Variants in RPS6KA6 observed in about 807,000 individuals in gnomAD.
RPS6KA6 encodes ribosomal protein S6 kinase alpha-6.
RPS6KA6 carries 27 observed loss-of-function variants against 65.4 expected under a neutral mutation model. That is an observed-to-expected ratio of 0.41 (90% confidence interval 0.30 to 0.57). RPS6KA6 has a LOEUF of 0.57. RPS6KA6 is among the 20% of genes least tolerant of loss of function. The probability of loss-of-function intolerance (pLI) is 0.24; values close to 1 mark genes in which losing one functional copy is unlikely to be tolerated. For synonymous variants in RPS6KA6, 190 were observed against 184.2 expected (o/e 1.03, Z -0.26); for missense variants, 486 against 555.6 (o/e 0.87, Z 1.26).
intron 8 of RPS6KA6, among the ~76,000 whole-genome samples, chrX:84,122,919 C>A (rs965210173): frequency 9.0e-5 from 10 of 111,486 alleles, no homozygotes; most frequent in Non-Finnish European, 1.9e-5. Context: ...GACAGCACAG[C>A]AACAAAAGTG....
Position 84,064,228 on chromosome X carries a change from C to T in RPS6KA6, c.*49G>A. 3.4e-6 allele frequency: 4 copies of T among 1,175,687 alleles called. No homozygotes were observed. The South Asian group carries it at 5.7e-5, about 17-fold the overall frequency. ...TTTGATAAGAATAGGAAAAAAGCCA[C>T]ACATTTAATTTCATCTTCATCCAGT... On this transcript the variant is annotated 3_prime_UTR_variant, in exon 22 of 22. Coordinates refer to ENST00000262752, the MANE Select transcript of RPS6KA6 (RefSeq NM_014496.5).
intron 12 of RPS6KA6, 75 bp from the exon 13 acceptor site, chrX:84,107,800 A>G: frequency 3.9e-6 from 2 of 515,101 alleles, no homozygotes; most frequent in South Asian, 8.6e-5. Flanking sequence ...ACAAAGCAGA[A>G]CATAATATTC....
At chrX:84,064,821 GA>G in intron 21 of RPS6KA6, 149 bp downstream of exon 21, 1 of 419,260 alleles carries the variant, frequency 2.4e-6, no homozygotes, top group Non-Finnish European at 3.9e-6. Context: ...AGTAAGCTAA[GA>G]AAAGTACATG....
chrX:84,113,306 A>G (rs2034501573), intron 12 of RPS6KA6, among the ~76,000 whole-genome samples: 2 of 111,726 alleles, frequency 1.8e-5, no homozygotes, highest in Admixed American at 1.9e-4. Context: ...CTTCCTAATT[A>G]ATTCTACAAA....
chrX:84,091,887 T>C (rs1041004592), intron 20 of RPS6KA6, among the ~76,000 whole-genome samples: 1 of 111,532 alleles, frequency 9.0e-6, no homozygotes, highest in African/African-American at 3.3e-5. Context: ...TGCAGGGACA[T>C]GGATGGAGCT....
At chrX:84,108,741 T>C (rs766889878) in intron 12 of RPS6KA6, among the ~76,000 whole-genome samples, 7 of 111,704 alleles carry the variant, frequency 6.3e-5, no homozygotes, top group South Asian at 3.8e-4. Flanking sequence ...CCATGGACTT[T>C]TGATCCCTGA....
intron 1 of RPS6KA6, chrX:84,186,173 G>A: frequency 2.1e-6 from 1 of 478,355 alleles, no homozygotes; most frequent in Non-Finnish European, 3.7e-6. Flanking sequence ...AAAACATACT[G>A]CAAACAATAA....
intron 20 of RPS6KA6, among the ~76,000 whole-genome samples, chrX:84,071,003 G>A (rs2033531445): frequency 9.0e-6 from 1 of 111,514 alleles, no homozygotes; most frequent in Admixed American, 9.6e-5. Context: ...CTAATAGTGG[G>A]AAACAATCAG....
intron 1 of RPS6KA6, among the ~76,000 whole-genome samples, chrX:84,171,990 T>C (rs190178131): frequency 9.0e-6 from 1 of 111,637 alleles, no homozygotes; most frequent in Admixed American, 9.6e-5. Context: ...GTTTCATCCA[T>C]GTCCCTGCAA....
At chrX:84,106,836 C>A in intron 14 of RPS6KA6, 74 bp downstream of exon 14, 1 of 843,108 alleles carries the variant, frequency 1.2e-6, no homozygotes, top group Non-Finnish European at 1.6e-6. Flanking sequence ...TTAAAAAAAA[C>A]GATTAAAAAT....
intron 9 of RPS6KA6, among the ~76,000 whole-genome samples, chrX:84,117,912 A>C (rs2034598372): frequency 9.0e-6 from 1 of 110,900 alleles, no homozygotes; most frequent in Non-Finnish European, 1.9e-5. Context: ...GGAGCCAAAA[A>C]AGAAGTAGAA....
intron 4 of RPS6KA6, among the ~76,000 whole-genome samples, chrX:84,147,684 C>T (rs1348646624): frequency 9.0e-6 from 1 of 111,636 alleles, no homozygotes; most frequent in Non-Finnish European, 1.9e-5. Context: ...TTATCACACC[C>T]TAAAAGATAG....
At chrX:84,183,712 C>T (rs1434211755) in intron 1 of RPS6KA6, among the ~76,000 whole-genome samples, 1 of 111,232 alleles carries the variant, frequency 9.0e-6, no homozygotes, top group Non-Finnish European at 1.9e-5. Context: ...GAAATATGCT[C>T]CTTTCATCTG....
In RPS6KA6 at chrX:84,104,499, T is replaced by C; in HGVS notation, c.1614A>G (p.Gly538=). Residue 538 remains glycine (G), a splice_region_variant and synonymous_variant, in exon 17 of 22, where the codon GGA becomes GGG. Coordinates refer to ENST00000262752, the MANE Select transcript of RPS6KA6 (RefSeq NM_014496.5). ...SKTVDYLHCQ[G]VVHRDLKPSN... is the part of the protein sequence containing the mutation. The stretch of plus-strand genomic sequence containing the variant: ...AAGAAAAAAGTTAACTACAACTTAC[T>C]CCTTGACAATGAAGATAGTCAACTG... The C allele has an allele frequency of 8.9e-7, 1 of 1,126,866 alleles. No homozygotes were observed. The highest frequency in any genetic ancestry group is 1.2e-6 in the Non-Finnish European group (1 of 850,595). The allele number at this position is 1,126,866 out of a possible 1,213,427, so 92.9% of individuals were successfully genotyped here. A position where few individuals can be genotyped will look rare whatever the true frequency, so the allele number is the denominator to read the frequency against.
intron 1 of RPS6KA6, among the ~76,000 whole-genome samples, chrX:84,185,749 A>G (rs948101356): frequency 1.2e-4 from 14 of 112,014 alleles, no homozygotes; most frequent in African/African-American, 4.2e-4. Context: ...ATTCTACAAC[A>G]AAAACACTCT....
intron 1 of RPS6KA6, among the ~76,000 whole-genome samples, chrX:84,181,745 C>T (rs2035856471): frequency 9.1e-6 from 1 of 110,210 alleles, no homozygotes; most frequent in South Asian, 3.9e-4. Flanking sequence ...GTAAATATAA[C>T]ACACAGCCAG....
At chrX:84,098,669 A>G (rs1439418203) in intron 18 of RPS6KA6, among the ~76,000 whole-genome samples, 1 of 111,321 alleles carries the variant, frequency 9.0e-6, no homozygotes, top group East Asian at 2.8e-4. Flanking sequence ...TATAACCACC[A>G]GCATGAATTT....
chrX:84,187,954 G>C lies in RPS6KA6; in HGVS notation c.-55C>G, dbSNP rs1871591069. The C allele has an allele frequency of 9.4e-7, 1 of 1,058,603 alleles. No homozygotes were observed. Among genetic ancestry groups the C allele is most frequent in the Admixed American group, 2.7e-5 (1 of 37,692 alleles). The allele number at this position is 1,058,603 out of a possible 1,213,427, so 87.2% of individuals were successfully genotyped here. A position where few individuals can be genotyped will look rare whatever the true frequency, so the allele number is the denominator to read the frequency against. On this transcript the variant is annotated 5_prime_UTR_variant, in exon 1 of 22. Coordinates refer to ENST00000262752, the MANE Select transcript of RPS6KA6 (RefSeq NM_014496.5). ...TGCCGCCTACCGCTGGCGCGGCCGCGCATCCTGTCTATTGAACTGGCCCGC... is the reference window on the plus strand; with the variant it reads ...TGCCGCCTACCGCTGGCGCGGCCGCCCATCCTGTCTATTGAACTGGCCCGC...
intron 20 of RPS6KA6, among the ~76,000 whole-genome samples, chrX:84,094,216 G>A (rs1237731097): frequency 2.8e-5 from 3 of 106,255 alleles, no homozygotes; most frequent in African/African-American, 1.0e-4. Flanking sequence ...ATCTCACTTA[G>A]CTGTGGAGAA....
Sources: allele counts gnomAD v4.1 joint callset (sites outside exome capture counted in the v4.1 genomes callset), GRCh38; gene constraint gnomAD v4.1.1; transcripts MANE v1.5; gene names NCBI Gene and HGNC (gene_info 2026-07-23, HGNC 2026-07-21).